The following MYT1L variants were observed in gnomAD, a reference collection of about 807,000 sequenced individuals.
MYT1L encodes myelin transcription factor 1-like protein.
MYT1L carries 12 observed loss-of-function variants against 126.7 expected under a neutral mutation model. The ratio of observed to expected loss-of-function variants is 0.09; its 90% CI spans 0.06 to 0.15. MYT1L has a LOEUF of 0.15. Among genes scored for constraint, MYT1L ranks in the 10% least tolerant of loss-of-function variants. MYT1L has a pLI of 1.00. For missense variants in MYT1L, 979 were observed against 1,585.2 expected, an observed-to-expected ratio of 0.62 and a Z score of 6.49; for synonymous variants, 541 against 604.2, an observed-to-expected ratio of 0.90 and a Z score of 1.53.
intron 21 of MYT1L, 32 bp downstream of exon 21, chr2:1,839,117 C>A: frequency 6.4e-7 from 1 of 1,568,066 alleles, no homozygotes; most frequent in South Asian, 1.2e-5. Context: ...CGGCACCATC[C>A]CAGCCAGGGT....
At chr2:2,090,598 A>T (rs1276552899) in intron 3 of MYT1L, among the ~76,000 whole-genome samples, 1 of 152,158 alleles carries the variant, frequency 6.6e-6, no homozygotes, top group Non-Finnish European at 1.5e-5. Flanking sequence ...ATTTCTTTAA[A>T]TAAGGCAACG....
Position 2,331,090 on chromosome 2 carries a change from C to G in MYT1L, c.-644G>C, listed in dbSNP as rs2096281683. Reference sequence around the variant, plus strand: ...CCACAAGTTTGAAAGGATGATGAGACACATGCATGCCACCAAGACGCAGAA... The same window carrying G: ...CCACAAGTTTGAAAGGATGATGAGAGACATGCATGCCACCAAGACGCAGAA... On this transcript the variant is annotated 5_prime_UTR_variant, in exon 1 of 25. Transcript: ENST00000647738. 5.9e-5 allele frequency: 9 copies of G among 151,702 alleles called. No individual in the cohort carries two copies. Among genetic ancestry groups the G allele is most frequent in the Admixed American group, 5.9e-4 (9 of 15,236 alleles). 9.4% of individuals were successfully genotyped at this position (151,702 alleles called of 1,614,324 possible). A position where few individuals can be genotyped will look rare whatever the true frequency, so the allele number is the denominator to read the frequency against.
Position 2,198,475 on chromosome 2 carries a change from T to C in MYT1L, c.-420-25487A>G, listed in dbSNP as rs193013038. On this transcript the variant is annotated intron_variant, in intron 2 of 24. Transcript: ENST00000647738. ...AGTTTAAAATGATGGACATGGTAAC[T>C]TCCTCAATTCCATCATGATACTATG... Among the ~76,000 whole-genome samples the C allele has an allele frequency of 3.8e-3, 584 of 152,232 alleles. 1 individual carries two copies. The highest frequency in any genetic ancestry group is 0.013 in the African/African-American group (553 of 41,530).
At position 1,840,813 on chromosome 2, in the gene MYT1L, A is replaced by G. The variant is rs1484635512; in HGVS notation, c.2805T>C (p.Ser935=). Residue 935 remains serine (S), a synonymous_variant, in exon 20 of 25, where the codon AGT becomes AGC. Coordinates refer to ENST00000647738, the MANE Select transcript of MYT1L (RefSeq NM_001303052.2). The part of the protein sequence containing the change: ...SLSGCPRAKK[S]GIRIAQSKED... ...CTTTGCTCTGTGCTATCCTGATACC[A>G]CTTTTCTTTGCTCTTGGGCAACCTG... 1 of 1,550,404 alleles carries G rather than the reference A, an allele frequency of 6.4e-7. No homozygotes were observed. Among genetic ancestry groups the G allele is most frequent in the Non-Finnish European group, 8.7e-7 (1 of 1,146,906 alleles).
chr2:1,962,849 C>T (rs1558556291), intron 8 of MYT1L, among the ~76,000 whole-genome samples: 1 of 152,186 alleles, frequency 6.6e-6, no homozygotes, highest in Non-Finnish European at 1.5e-5. Flanking sequence ...CAGTGACTTC[C>T]TCTGCTGAAG....
chr2:1,901,270 CA>C, intron 14 of MYT1L, among the ~76,000 whole-genome samples: 1 of 151,944 alleles, frequency 6.6e-6, no homozygotes, highest in East Asian at 1.9e-4. Context: ...ACAAGAACAA[CA>C]AAAAAACAGG....
chr2:1,928,896 C>T (rs1349933700), intron 9 of MYT1L, among the ~76,000 whole-genome samples: 1 of 152,094 alleles, frequency 6.6e-6, no homozygotes, highest in African/African-American at 2.4e-5. Context: ...TTCGCCACTC[C>T]AGGTGCCTGG....
rs948308348 is a variant in MYT1L at position 2,224,355 on chromosome 2, A to G, written c.-420-51367T>C. ...AGCAGACAGCAAAGGAAGAAGGTCC[A>G]TGGGCTCAGTGTCCCTCAAAACTAA... On this transcript the variant is annotated intron_variant, in intron 2 of 24. Coordinates refer to ENST00000647738, the MANE Select transcript of MYT1L (RefSeq NM_001303052.2). This position sits in a 1 kb window ranked among gnomAD's most constrained non-coding sequence, Gnocchi z 4.0. Among the ~76,000 whole-genome samples the G allele has an allele frequency of 1.3e-5, 2 of 152,138 alleles. No individual in the cohort carries two copies. The highest frequency in any genetic ancestry group is 4.8e-5 in the African/African-American group (2 of 41,428).
intron 3 of MYT1L, among the ~76,000 whole-genome samples, chr2:2,061,321 A>G (rs1379755727): frequency 6.6e-6 from 1 of 152,168 alleles, no homozygotes; most frequent in Non-Finnish European, 1.5e-5. Flanking sequence ...TTGCCAGCAC[A>G]GGGGCTTAAC....
In MYT1L at chr2:2,325,335, G is replaced by C. The variant is rs571138783; in HGVS notation, c.-521+5632C>G. ...GTTGCCAACCTCACTATATTATTCT[G>C]TTTCAGTATGAGCTTCTTGCATCGT... On this transcript the variant is annotated intron_variant, in intron 1 of 24. Coordinates refer to ENST00000647738, the MANE Select transcript of MYT1L (RefSeq NM_001303052.2). 1.5e-4 allele frequency: 23 copies of C among 152,232 alleles called. No homozygotes were observed. In the East Asian group the frequency reaches 2.5e-3, roughly 17 times the overall value. The allele number at this position is 152,232 out of a possible 1,614,324, so 9.4% of individuals were successfully genotyped here. A position where few individuals can be genotyped will look rare whatever the true frequency, so the allele number is the denominator to read the frequency against.
At chr2:2,131,681 G>A (rs1049855719) in intron 3 of MYT1L, among the ~76,000 whole-genome samples, 3 of 151,994 alleles carry the variant, frequency 2.0e-5, no homozygotes, top group African/African-American at 4.8e-5. Flanking sequence ...CATGGAAAAC[G>A]GGCCACTGGG....
At chr2:2,249,680 C>A (rs1160564578) in intron 2 of MYT1L, among the ~76,000 whole-genome samples, 1 of 152,018 alleles carries the variant, frequency 6.6e-6, no homozygotes, top group African/African-American at 2.4e-5. Context: ...CAAATGGAAT[C>A]ACATCAAGTA....
At position 1,852,423 on chromosome 2, in the gene MYT1L, T is replaced by G. The variant is rs187250589; in HGVS notation, c.2712-720A>C. On this transcript the variant is annotated intron_variant, in intron 18 of 24. Coordinates refer to ENST00000647738, the MANE Select transcript of MYT1L (RefSeq NM_001303052.2). The surrounding 1 kb of genome is among the most constrained non-coding windows in gnomAD (Gnocchi z 4.0). ...GGACATACACTCATCTGCTGAAGCC[T>G]ACCGAGGCAACCCCATCCCGTTTCT... is the stretch of plus-strand genomic sequence containing the variant. Among the ~76,000 whole-genome samples, 4 of 152,308 alleles carry G rather than the reference T, an allele frequency of 2.6e-5. No individual in the cohort carries two copies. The highest frequency in any genetic ancestry group is 2.6e-4 in the Admixed American group (4 of 15,288).
chr2:2,033,709 C>G (rs2066668228), intron 4 of MYT1L, among the ~76,000 whole-genome samples: 1 of 152,124 alleles, frequency 6.6e-6, no homozygotes, highest in African/African-American at 2.4e-5. Context: ...TCTATTAAAT[C>G]AACTCTCCAG....
chr2:1,962,966 G>A (rs1003936385), intron 8 of MYT1L, among the ~76,000 whole-genome samples: 6 of 152,202 alleles, frequency 3.9e-5, no homozygotes, highest in Non-Finnish European at 7.3e-5. Context: ...TGTACTTAAT[G>A]GCAACTGGAA....
At position 1,905,018 on chromosome 2, in the gene MYT1L, G is replaced by A. The variant is rs544046088; in HGVS notation, c.1818-1724C>T. On this transcript the variant is annotated intron_variant, in intron 13 of 24. Coordinates refer to ENST00000647738, the MANE Select transcript of MYT1L (RefSeq NM_001303052.2). ...TCACCATGTTAGCCATGATGGTCTC[G>A]ATCTCCTGACCTCGTGATCCACCCA... 2.0e-4 allele frequency among the ~76,000 whole-genome samples: 31 copies of A among 151,528 alleles called. No homozygotes were observed. The South Asian group carries it at 5.0e-3, about 25-fold the overall frequency.
At position 2,075,194 on chromosome 2, in the gene MYT1L, G is replaced by C. The variant is rs186961151; in HGVS notation, c.-303-21071C>G. Among the ~76,000 whole-genome samples, 224 of 152,358 alleles carry C rather than the reference G, an allele frequency of 1.5e-3. 1 individual carries two copies. The highest frequency in any genetic ancestry group is 5.0e-3 in the African/African-American group (208 of 41,596). Reference sequence around the variant, plus strand: ...ATCACAGGCCATAGACTGTTTATCAGATGGCATGGTGATCGGCCTTTTTGG... The same window carrying C: ...ATCACAGGCCATAGACTGTTTATCACATGGCATGGTGATCGGCCTTTTTGG... On this transcript the variant is annotated intron_variant, in intron 3 of 24. Transcript: ENST00000647738.
chr2:1,817,316 G>A (rs866189409), intron 21 of MYT1L, among the ~76,000 whole-genome samples: 1 of 152,116 alleles, frequency 6.6e-6, no homozygotes, highest in Non-Finnish European at 1.5e-5. Flanking sequence ...CCCCATGGGT[G>A]GGGGGATAGG....
intron 2 of MYT1L, among the ~76,000 whole-genome samples, chr2:2,196,899 G>A (rs1395822591): frequency 6.6e-6 from 1 of 152,046 alleles, no homozygotes; most frequent in African/African-American, 2.4e-5. Flanking sequence ...ACCATCAATA[G>A]TCAAAGATTA....
Sources: allele counts gnomAD v4.1 joint callset (sites outside exome capture counted in the v4.1 genomes callset), GRCh38; gene constraint gnomAD v4.1.1; non-coding constraint Gnocchi (gnomAD v3.1); transcripts MANE v1.5; gene names NCBI Gene and HGNC (gene_info 2026-07-23, HGNC 2026-07-21).